OLR1: variants seen among roughly 807,000 people sequenced by gnomAD.
OLR1 encodes the protein oxidized low-density lipoprotein receptor 1.
Under a neutral mutation model 31.7 loss-of-function variants are expected in OLR1, and 23 were observed. The observed-to-expected ratio is 0.72, with a 90% CI of 0.52 to 1.03. The LOEUF is 1.03. Ranked by LOEUF, OLR1 falls within the 50% of genes least tolerant of loss-of-function variation. The pLI is 0.00. For synonymous variants in OLR1, 117 were observed against 115.8 expected (o/e 1.01, Z -0.07); for missense variants, 286 against 315.7 (o/e 0.91, Z 0.71).
In OLR1 at chr12:10,159,080, G is replaced by T. The variant is rs1948597941; in HGVS notation, c.*800C>A. ...ACAAAAGGTATGTTCTTTAGGGAAA[G>T]AAATTCTATTCTTACCTCTGGGCCA... On this transcript the variant is annotated 3_prime_UTR_variant, in exon 6 of 6. Transcript: ENST00000309539. 6.6e-6 allele frequency: 1 copy of T among 152,140 alleles called. No individual in the cohort carries two copies. The highest frequency in any genetic ancestry group is 1.5e-5 in the Non-Finnish European group (1 of 68,024). The allele number at this position is 152,140 out of a possible 1,614,324, so 9.4% of individuals were successfully genotyped here.
upstream of OLR1, among the ~76,000 whole-genome samples, chr12:10,173,551 G>T (rs35566137): frequency 3.9e-4 from 59 of 151,714 alleles, no homozygotes; most frequent in African/African-American, 1.1e-3. Context: ...AAGCTGAGGG[G>T]GGGGGTGGAT....
chr12:10,174,828 TATA>T (rs1948754052), upstream of OLR1, among the ~76,000 whole-genome samples: 1 of 152,246 alleles, frequency 6.6e-6, no homozygotes, highest in African/African-American at 2.4e-5. Flanking sequence ...GGTGGAATCA[TATA>T]ATATTTGTCC....
rs1221551585 is a variant in OLR1 at position 10,159,178 on chromosome 12, A to T, written c.*702T>A. On this transcript the variant is annotated 3_prime_UTR_variant, in exon 6 of 6. Transcript: ENST00000309539. ...TAATCTGTCCTCTGGTAGAAAAAAA[A>T]ATGAAGAAATAATAACTGATTCAGG... The T allele has an allele frequency of 6.6e-6, 1 of 152,176 alleles. No homozygotes were observed. The highest frequency in any genetic ancestry group is 2.4e-5 in the African/African-American group (1 of 41,448). The allele number at this position is 152,176 out of a possible 1,614,324, so 9.4% of individuals were successfully genotyped here.
intron 1 of OLR1, among the ~76,000 whole-genome samples, chr12:10,171,530 C>A (rs553471282): frequency 7.9e-5 from 12 of 152,190 alleles, no homozygotes; most frequent in Non-Finnish European, 1.0e-4. Context: ...GCCTGAAGGA[C>A]TCTTACAGAA....
intron 3 of OLR1, among the ~76,000 whole-genome samples, chr12:10,161,294 C>T (rs1193351927): frequency 6.6e-6 from 1 of 152,128 alleles, no homozygotes; most frequent in South Asian, 2.1e-4. Context: ...ATTTTCACTT[C>T]CCCTGATGAA....
Position 10,166,900 on chromosome 12 carries a change from T to G in OLR1, c.236A>C (p.Lys79Thr), listed in dbSNP as rs758406657. 1 of 1,613,726 alleles carries G rather than the reference T, an allele frequency of 6.2e-7. No individual in the cohort carries two copies. The highest frequency in any genetic ancestry group is 8.5e-7 in the Non-Finnish European group (1 of 1,179,962). ...GGCTGAGATCTGTCCCTCCAGTTTC[T>G]TTTTCTGGTGAGTTAGGTTTGCTTG... ...QEQANLTHQKKKLEGQISARQ... is the reference protein window; with the variant it reads ...QEQANLTHQKTKLEGQISARQ... Residue 79 changes from lysine (K) to threonine (T), a missense_variant, in exon 3 of 6, where the codon AAG (lysine) becomes ACG (threonine). By Grantham distance (78) the Lys-to-Thr change is moderately conservative (BLOSUM62 -1). Transcript: ENST00000309539.
At chr12:10,174,306 G>A (rs1037724972), upstream of OLR1, among the ~76,000 whole-genome samples, 3 of 151,948 alleles carry the variant, frequency 2.0e-5, no homozygotes, top group Admixed American at 6.6e-5. Context: ...CAAGTGATCC[G>A]CCTGCCTCAG....
Position 10,158,976 on chromosome 12 carries a change from G to T in OLR1, c.*904C>A, listed in dbSNP as rs1285287773. ...TGCATACCTGGCTTAGTTTGTTCTAGATTGAGTGTCTTCATTTTTTTTGTC... is the reference window on the plus strand; with the variant it reads ...TGCATACCTGGCTTAGTTTGTTCTATATTGAGTGTCTTCATTTTTTTTGTC... On this transcript the variant is annotated 3_prime_UTR_variant, in exon 6 of 6. Coordinates refer to ENST00000309539, the MANE Select transcript of OLR1 (RefSeq NM_002543.4). 1 of 152,150 alleles carries T rather than the reference G, an allele frequency of 6.6e-6. No homozygotes were observed. Among genetic ancestry groups the T allele is most frequent in the East Asian group, 1.9e-4 (1 of 5,192 alleles). The allele number at this position is 152,150 out of a possible 1,614,324, so 9.4% of individuals were successfully genotyped here. A position where few individuals can be genotyped will look rare whatever the true frequency, so the allele number is the denominator to read the frequency against.
chr12:10,161,007 G>T, intron 3 of OLR1, 82 bp from the exon 4 acceptor site: 1 of 1,318,426 alleles, frequency 7.6e-7, no homozygotes, highest in Non-Finnish European at 1.1e-6. Context: ...GATCCCCTTA[G>T]TTCTCTCACG....
chr12:10,172,195 T>G (rs1948728538), upstream of OLR1: 3 of 685,306 alleles, frequency 4.4e-6, no homozygotes, highest in South Asian at 5.4e-5. Flanking sequence ...GAAGAATGAC[T>G]CAATCATTGG....
intron 3 of OLR1, among the ~76,000 whole-genome samples, chr12:10,162,030 G>A (rs886256377): frequency 6.6e-6 from 1 of 151,726 alleles, no homozygotes; most frequent in African/African-American, 2.4e-5. Flanking sequence ...CAATTTAAAC[G>A]AGATTTTAGA....
chr12:10,159,933 T>G lies in OLR1; in HGVS notation c.769A>C (p.Ile257Leu). 1 of 1,614,098 alleles carries G rather than the reference T, an allele frequency of 6.2e-7. No individual in the cohort carries two copies. Among genetic ancestry groups the G allele is most frequent in the Non-Finnish European group, 8.5e-7 (1 of 1,180,004 alleles). ...QRGAVYAENCILAAFSICQKK... is the reference protein window; with the variant it reads ...QRGAVYAENCLLAAFSICQKK... The stretch of plus-strand genomic sequence containing the variant: ...TGACATATACTGAAGGCAGCTAAAA[T>G]GCAGTTTTCCGCATAAACAGCTCCT... Residue 257 changes from isoleucine to leucine, a missense_variant, in exon 6 of 6, where the codon ATT becomes CTT. Transcript: ENST00000309539.
chr12:10,167,020 T>C lies in OLR1; in HGVS notation c.179-63A>G, dbSNP rs1050729058. On this transcript the variant is annotated intron_variant, in intron 2 of 5. Coordinates refer to ENST00000309539, the MANE Select transcript of OLR1 (RefSeq NM_002543.4). ...AAATAAAAATCCCTCCAGGGACTTT[T>C]TGAGGAAATCAAAACAGAATTAAAT... is the stretch of plus-strand genomic sequence containing the variant. 171 of 1,494,318 alleles carry C rather than the reference T, an allele frequency of 1.1e-4. No homozygotes were observed. In the Admixed American group the frequency reaches 1.7e-3, roughly 15 times the overall value. 92.6% of individuals were successfully genotyped at this position (1,494,318 alleles called of 1,614,324 possible).
chr12:10,172,319 C>T (rs1397863668), upstream of OLR1: 12 of 397,768 alleles, frequency 3.0e-5, no homozygotes, highest in Admixed American at 1.2e-4. Flanking sequence ...CAGGATATTT[C>T]GCTAAGTAAT....
intron 1 of OLR1, among the ~76,000 whole-genome samples, chr12:10,171,523 T>A (rs1159810607): frequency 6.6e-6 from 1 of 152,238 alleles, no homozygotes; most frequent in Non-Finnish European, 1.5e-5. Context: ...TTGTAGTGCC[T>A]GAAGGACTCT....
intron 2 of OLR1, 41 bp from the exon 3 acceptor site, chr12:10,166,998 TA>T: frequency 6.4e-7 from 1 of 1,565,630 alleles, no homozygotes; most frequent in Non-Finnish European, 8.6e-7. Context: ...CTAATCCAAA[TA>T]AAAATCCCTC....
chr12:10,160,955 G>A lies in OLR1; in HGVS notation c.425-30C>T, dbSNP rs573578085. Reference sequence around the variant, plus strand: ...GAAGGATAGTATATCTCATCAGTCAGTTATGTTTGTGTAAAAGCAGTACTG... The same window carrying A: ...GAAGGATAGTATATCTCATCAGTCAATTATGTTTGTGTAAAAGCAGTACTG... On this transcript the variant is annotated intron_variant, in intron 3 of 5. Transcript: ENST00000309539. 1.9e-5 allele frequency: 30 copies of A among 1,602,470 alleles called. No homozygotes were observed. In the South Asian group the frequency reaches 3.1e-4, roughly 17 times the overall value.
intron 3 of OLR1, among the ~76,000 whole-genome samples, chr12:10,166,354 C>G (rs35421360): frequency 0.018 from 2,788 of 151,732 alleles, 80 homozygotes; most frequent in African/African-American, 0.065. Flanking sequence ...ATGGTGAAAC[C>G]CTGTCTCTAC....
At chr12:10,171,408 C>T (rs900670362) in intron 1 of OLR1, among the ~76,000 whole-genome samples, 2 of 152,142 alleles carry the variant, frequency 1.3e-5, no homozygotes, top group African/African-American at 4.8e-5. Flanking sequence ...TCAAACAGAA[C>T]TTACAATTTT....
Sources: allele counts gnomAD v4.1 joint callset (sites outside exome capture counted in the v4.1 genomes callset), GRCh38; gene constraint gnomAD v4.1.1; transcripts MANE v1.5; gene names NCBI Gene and HGNC (gene_info 2026-07-23, HGNC 2026-07-21).